Variants in CREBBP observed in about 807,000 individuals in gnomAD.
CREBBP encodes CREB binding lysine acetyltransferase.
A neutral mutation model predicts 265.0 loss-of-function variants in CREBBP; 19 were observed. That is an observed-to-expected ratio of 0.07 (90% CI 0.05 to 0.11). CREBBP has a LOEUF of 0.11. CREBBP is among the 10% of genes least tolerant of loss of function. CREBBP has a pLI of 1.00. For missense variants in CREBBP, 2,525 were observed against 3,219.0 expected (o/e 0.78, Z 5.22); for synonymous variants, 1,457 against 1,223.7 (o/e 1.19, Z -3.98).
chr16:3,778,847 T>C (rs1358968292), intron 8 of CREBBP, 30 bp from the exon 9 acceptor site: 2 of 1,431,098 alleles, frequency 1.4e-6, no homozygotes, highest in East Asian at 2.4e-5. Context: ...ATCAAACTAC[T>C]TTTTTTTTTC....
intron 2 of CREBBP, among the ~76,000 whole-genome samples, chr16:3,816,366 G>A (rs924361740): frequency 1.3e-5 from 2 of 152,192 alleles, no homozygotes. Context: ...GCCAGATCCT[G>A]AGGTTTCCCC....
intron 11 of CREBBP, among the ~76,000 whole-genome samples, chr16:3,777,351 A>G (rs2053167300): frequency 6.6e-6 from 1 of 151,540 alleles, no homozygotes; most frequent in Non-Finnish European, 1.5e-5. Context: ...ATAAAAATAA[A>G]ATAAAATAAA....
rs1167133154 is a variant in CREBBP, at chr16:3,728,338, G to A, written c.6709C>T (p.Pro2237Ser). 5 of 1,612,480 alleles carry A rather than the reference G, an allele frequency of 3.1e-6. No homozygotes were observed. Among genetic ancestry groups the A allele is most frequent in the Non-Finnish European group, 2.5e-6 (3 of 1,179,648 alleles). Residue 2237 changes from proline to serine, a missense_variant, in exon 31 of 31, where the codon CCC (proline) becomes TCC (serine). Coordinates refer to ENST00000262367, the MANE Select transcript of CREBBP (RefSeq NM_004380.3). The surrounding 1 kb of genome is among the most constrained non-coding windows in gnomAD (Gnocchi z 8.7). ...GHGQFQQPQG[P>S]GGYPPAMQQQ... is the part of the protein sequence containing the mutation. Reference sequence around the variant, plus strand: ...TGCATGGCCGGTGGGTAGCCTCCGGGTCCTTGAGGCTGCTGGAACTGGCCG... The same window carrying A: ...TGCATGGCCGGTGGGTAGCCTCCGGATCCTTGAGGCTGCTGGAACTGGCCG...
intron 3 of CREBBP, among the ~76,000 whole-genome samples, chr16:3,801,647 G>A (rs753797866): frequency 1.3e-5 from 2 of 152,134 alleles, no homozygotes; most frequent in Admixed American, 6.5e-5. Context: ...TCCAGCTTGT[G>A]CAACAAGAGC....
intron 2 of CREBBP, among the ~76,000 whole-genome samples, chr16:3,833,752 A>T (rs2054388604): frequency 1.3e-5 from 2 of 152,242 alleles, no homozygotes; most frequent in South Asian, 4.1e-4. Context: ...CAACTATGAA[A>T]GTTTCATCTA....
intron 2 of CREBBP, chr16:3,812,822 T>C (rs1003767369): frequency 5.5e-6 from 1 of 183,454 alleles, no homozygotes; most frequent in Non-Finnish European, 1.2e-5. Flanking sequence ...GTGTGTTCTG[T>C]ATTTCTGGAG....
chr16:3,839,119 T>A (rs1339059960), intron 2 of CREBBP, among the ~76,000 whole-genome samples: 2 of 152,230 alleles, frequency 1.3e-5, no homozygotes, highest in Non-Finnish European at 2.9e-5. Context: ...CAGCTACTAT[T>A]ATCCTCATTT....
chr16:3,762,091 C>A (rs1596864805), intron 16 of CREBBP, among the ~76,000 whole-genome samples: 1 of 152,268 alleles, frequency 6.6e-6, no homozygotes, highest in East Asian at 1.9e-4. Flanking sequence ...GCTTTATTGG[C>A]ACATAGCTGT....
chr16:3,769,654 T>G (rs2141194353), intron 14 of CREBBP, among the ~76,000 whole-genome samples: 1 of 152,298 alleles, frequency 6.6e-6, no homozygotes, highest in South Asian at 2.1e-4. Flanking sequence ...ATCTCATATT[T>G]TGAAATTAAT....
chr16:3,799,259 A>G (rs761063953), intron 3 of CREBBP, among the ~76,000 whole-genome samples: 17 of 152,234 alleles, frequency 1.1e-4, no homozygotes, highest in Non-Finnish European at 2.4e-4. Flanking sequence ...ATGGTTACAC[A>G]ATATACTAAA....
Position 3,758,991 on chromosome 16 carries a change from G to T in CREBBP, c.3251-19C>A. ...TTAAAGACTGCAGAGAAAACATCAA[G>T]AAAAGACACTTTGTAAAAGGTGCTC... On this transcript the variant is annotated intron_variant, in intron 16 of 30. Coordinates refer to ENST00000262367, the MANE Select transcript of CREBBP (RefSeq NM_004380.3). 2 of 1,568,668 alleles carry T rather than the reference G, an allele frequency of 1.3e-6. No individual in the cohort carries two copies. The highest frequency in any genetic ancestry group is 8.8e-7 in the Non-Finnish European group (1 of 1,139,510).
intron 1 of CREBBP, among the ~76,000 whole-genome samples, chr16:3,853,773 C>G (rs1265575391): frequency 6.6e-6 from 1 of 151,328 alleles, no homozygotes. Context: ...CCTATCTCTA[C>G]TAAAAACACA....
intron 5 of CREBBP, among the ~76,000 whole-genome samples, chr16:3,786,661 A>C (rs1273959653): frequency 1.3e-5 from 2 of 152,174 alleles, no homozygotes; most frequent in East Asian, 3.8e-4. Context: ...GCGGGAGGCG[A>C]AACTTGTGTA....
Position 3,728,423 on chromosome 16 carries a change from T to TTGTTGCTGCTGC in CREBBP, c.6612_6623dup (p.Gln2213_Gln2216dup), listed in dbSNP as rs750150018. ...CTTGCTGCTGCTGCTGTTGCTGCTG[T>TTGTTGCTGCTGC]TGTTGCTGCTGCTGTTGCTGCTGCT... is the stretch of plus-strand genomic sequence containing the variant. On this transcript the variant is annotated inframe_insertion, in exon 31 of 31. Transcript: ENST00000262367. The surrounding 1 kb of genome is among the most constrained non-coding windows in gnomAD (Gnocchi z 8.7). The TTGTTGCTGCTGC allele has an allele frequency of 1.6e-5, 26 of 1,612,424 alleles. No individual in the cohort carries two copies. In the East Asian group the frequency reaches 2.5e-4, roughly 15 times the overall value.
In CREBBP at chr16:3,731,465, G is replaced by A. The variant is rs750086197; in HGVS notation, c.4899C>T (p.Phe1633=). 1.3e-5 allele frequency: 21 copies of A among 1,587,214 alleles called. No individual in the cohort carries two copies. The highest frequency in any genetic ancestry group is 9.2e-5 in the Admixed American group (5 of 54,326). ...CAGGCCCAGCGTGCAGGTGGATCAC[G>A]AAGAAGACCTGCAGGAGAGGAGGGG... ...ATMEKHKEVF[F]VIHLHAGPVI... The change falls in exon 30 of 31, where the codon TTC becomes TTT. Residue 1633 remains phenylalanine, a synonymous_variant. Coordinates refer to ENST00000262367, the MANE Select transcript of CREBBP (RefSeq NM_004380.3). This position sits in a 1 kb window ranked among gnomAD's most constrained non-coding sequence, Gnocchi z 7.7.
intron 20 of CREBBP, among the ~76,000 whole-genome samples, chr16:3,750,370 G>C (rs1474788968): frequency 6.6e-6 from 1 of 152,186 alleles, no homozygotes; most frequent in African/African-American, 2.4e-5. Context: ...GAGCGTAAGT[G>C]CCTACACTGC....
chr16:3,737,141 C>CACT (rs1046192851), intron 26 of CREBBP: 1 of 460,898 alleles, frequency 2.2e-6, no homozygotes, highest in Admixed American at 3.4e-5. Context: ...TCCTCCTGTG[C>CACT]ACTGTAAAGG....
intron 3 of CREBBP, among the ~76,000 whole-genome samples, chr16:3,803,452 C>A (rs2053766479): frequency 6.6e-6 from 1 of 151,876 alleles, no homozygotes; most frequent in Non-Finnish European, 1.5e-5. Context: ...TGGCAGTGAG[C>A]CAAGATCGCG....
intron 1 of CREBBP, among the ~76,000 whole-genome samples, chr16:3,879,544 C>G (rs577656745): frequency 1.3e-5 from 2 of 152,260 alleles, no homozygotes; most frequent in African/African-American, 2.4e-5. Flanking sequence ...CAAACCCACA[C>G]GCTGCACTTT....
Sources: gnomAD v4.1 joint callset for allele counts (sites outside exome capture counted in the v4.1 genomes callset) on GRCh38, gnomAD v4.1.1 for gene constraint, Gnocchi (gnomAD v3.1) non-coding constraint, MANE v1.5 for transcripts, NCBI Gene and HGNC (gene_info 2026-07-23, HGNC 2026-07-21) for gene names.